Variants in PRIMPOL observed in about 807,000 individuals in gnomAD.
The protein encoded by PRIMPOL is DNA-directed primase/polymerase protein.
A neutral mutation model predicts 63.6 loss-of-function variants in PRIMPOL; 54 were observed. The observed-to-expected ratio is 0.85, with a 90% CI of 0.68 to 1.07. The LOEUF (loss-of-function observed/expected upper bound fraction) is 1.07. PRIMPOL is among the 50% of genes least tolerant of loss of function. The probability of loss-of-function intolerance (pLI) is 0.00; values close to 1 mark genes in which losing one functional copy is unlikely to be tolerated. For synonymous variants in PRIMPOL, 197 were observed against 220.2 expected (o/e 0.89, Z 0.93); for missense variants, 610 against 648.3 (o/e 0.94, Z 0.64).
chr4:184,671,901 C>T (rs1434136650), intron 6 of PRIMPOL, among the ~76,000 whole-genome samples: 3 of 151,990 alleles, frequency 2.0e-5, no homozygotes, highest in Non-Finnish European at 2.9e-5. Context: ...CCACCACGCC[C>T]TGCTAATTTT....
chr4:184,694,177 A>AGAT (rs1212647476), intron 13 of PRIMPOL: 3 of 1,024,288 alleles, frequency 2.9e-6, no homozygotes, highest in Admixed American at 1.0e-4. Flanking sequence ...TCCATTGTCA[A>AGAT]GATAGCAAAT....
chr4:184,663,864 A>G (rs2150060730), intron 5 of PRIMPOL, among the ~76,000 whole-genome samples: 1 of 152,344 alleles, frequency 6.6e-6, no homozygotes, highest in African/African-American at 2.4e-5. Flanking sequence ...TAATCCAGTA[A>G]GTACTTTTTC....
At chr4:184,682,126 A>G in intron 8 of PRIMPOL, 122 bp from the exon 9 acceptor site, 1 of 543,636 alleles carries the variant, frequency 1.8e-6, no homozygotes, top group Non-Finnish European at 3.4e-6. Flanking sequence ...TCCTAGAACA[A>G]TTATCTGCTG....
chr4:184,692,638 GA>G (rs1262510865), intron 13 of PRIMPOL, among the ~76,000 whole-genome samples: 1 of 151,560 alleles, frequency 6.6e-6, no homozygotes, highest in African/African-American at 2.4e-5. Context: ...TTTTTGAAGT[GA>G]TAGCACACAT....
In PRIMPOL at chr4:184,663,702, G is replaced by A. The variant is rs141680042; in HGVS notation, c.408+1799G>A. Among the ~76,000 whole-genome samples, 185 of 152,268 alleles carry A rather than the reference G, an allele frequency of 1.2e-3. 3 individuals are homozygous for A. In the East Asian group the frequency reaches 0.031, roughly 26 times the overall value. ...ACTGTTGGAAGAAACTGTAGAAATC[G>A]AAGTTCAAAATTATACAGCATTTTT... On this transcript the variant is annotated intron_variant, in intron 5 of 13. Coordinates refer to ENST00000314970, the MANE Select transcript of PRIMPOL (RefSeq NM_152683.4).
At chr4:184,690,713 T>C (rs1758299865) in intron 11 of PRIMPOL, among the ~76,000 whole-genome samples, 1 of 152,306 alleles carries the variant, frequency 6.6e-6, no homozygotes, top group East Asian at 1.9e-4. Flanking sequence ...CGTTAGTCAC[T>C]TAATCCATGT....
chr4:184,658,398 A>G (rs1042546142), intron 3 of PRIMPOL, among the ~76,000 whole-genome samples: 1 of 152,196 alleles, frequency 6.6e-6, no homozygotes, highest in Non-Finnish European at 1.5e-5. Flanking sequence ...GCTAATCACC[A>G]GTCTATAAAA....
chr4:184,653,916 T>G (rs2150021332), intron 2 of PRIMPOL, among the ~76,000 whole-genome samples: 1 of 152,302 alleles, frequency 6.6e-6, no homozygotes, highest in African/African-American at 2.4e-5. Context: ...AATTCAACCC[T>G]CCTGCTGGAC....
chr4:184,667,387 T>G (rs902903381), intron 6 of PRIMPOL, among the ~76,000 whole-genome samples: 1 of 151,980 alleles, frequency 6.6e-6, no homozygotes, highest in African/African-American at 2.4e-5. Context: ...CTTGGCTCAC[T>G]GCAACCTCCG....
At position 184,657,291 on chromosome 4, in the gene PRIMPOL, G is replaced by A. The variant is rs1218654302; in HGVS notation, c.151G>A (p.Ala51Thr). 6.2e-7 allele frequency: 1 copy of A among 1,610,792 alleles called. No homozygotes were observed. The highest frequency in any genetic ancestry group is 8.5e-7 in the Non-Finnish European group (1 of 1,178,782). The stretch of plus-strand genomic sequence containing the variant: ...GAGACTATTTCATCGACAAGCTCAA[G>A]CTTTTAATTTTGTTAAAAGCTGTAA... Reference protein sequence around the residue: ...IWRLFHRQAQAFNFVKSCKED... With the variant: ...IWRLFHRQAQTFNFVKSCKED... Residue 51 changes from alanine to threonine, a missense_variant, in exon 3 of 14, where the codon GCT becomes ACT. By Grantham distance (58) the Ala-to-Thr change is moderately conservative. This residue lies in a region of PRIMPOL where 159 missense variants were observed against 168.9 expected (regional missense o/e 0.94). Transcript: ENST00000314970.
intron 5 of PRIMPOL, among the ~76,000 whole-genome samples, chr4:184,662,501 A>C (rs1748630578): frequency 6.6e-6 from 1 of 152,208 alleles, no homozygotes; most frequent in Non-Finnish European, 1.5e-5. Flanking sequence ...TAGCTGTGTC[A>C]ACCAGGAAGT....
At chr4:184,691,374 C>T (rs1030298150) in intron 11 of PRIMPOL, 125 bp from the exon 12 acceptor site, 2 of 642,206 alleles carry the variant, frequency 3.1e-6, no homozygotes, top group East Asian at 2.7e-5. Flanking sequence ...TATCCTTATC[C>T]TTTTACTTTT....
At chr4:184,689,996 C>G (rs1480826719) in intron 11 of PRIMPOL, among the ~76,000 whole-genome samples, 1 of 152,176 alleles carries the variant, frequency 6.6e-6, no homozygotes, top group Non-Finnish European at 1.5e-5. Context: ...AGGCCTGTTA[C>G]TAGAATGTTT....
At chr4:184,655,230 G>A (rs1284274804) in intron 2 of PRIMPOL, among the ~76,000 whole-genome samples, 5 of 151,360 alleles carry the variant, frequency 3.3e-5, no homozygotes, top group African/African-American at 9.7e-5. Flanking sequence ...GGCTGGTCTC[G>A]AACTCCTGAC....
chr4:184,687,671 A>G (rs1206823480), intron 11 of PRIMPOL, among the ~76,000 whole-genome samples: 3 of 152,076 alleles, frequency 2.0e-5, no homozygotes, highest in East Asian at 1.9e-4. Context: ...CTGGGGTGCA[A>G]TCGCACGATC....
At chr4:184,671,916 A>G (rs375671480) in intron 6 of PRIMPOL, among the ~76,000 whole-genome samples, 2,518 of 151,238 alleles carry the variant, frequency 0.017, 53 homozygotes, top group South Asian at 0.027. Flanking sequence ...AATTTTTTGT[A>G]TTTTTAGTAG....
chr4:184,693,655 T>C (rs1014626106), intron 13 of PRIMPOL, among the ~76,000 whole-genome samples: 7 of 152,146 alleles, frequency 4.6e-5, no homozygotes, highest in Admixed American at 4.6e-4. Flanking sequence ...CCTACAGAAA[T>C]GTACAAGAAT....
rs567321685 is a variant in PRIMPOL at position 184,654,189 on chromosome 4, G to A, written c.-60+2089G>A. Reference sequence around the variant, plus strand: ...ATAAAATTTCAGTGTCACGAAGTACGAATATCCACATAGTCATTTGTAGTC... The same window carrying A: ...ATAAAATTTCAGTGTCACGAAGTACAAATATCCACATAGTCATTTGTAGTC... On this transcript the variant is annotated intron_variant, in intron 2 of 13. Coordinates refer to ENST00000314970, the MANE Select transcript of PRIMPOL (RefSeq NM_152683.4). Among the ~76,000 whole-genome samples the A allele has an allele frequency of 1.9e-4, 29 of 152,272 alleles. No individual in the cohort carries two copies. The South Asian group carries it at 2.7e-3, about 14-fold the overall frequency.
chr4:184,692,487 A>G (rs1758929800), intron 13 of PRIMPOL, among the ~76,000 whole-genome samples: 1 of 150,942 alleles, frequency 6.6e-6, no homozygotes, highest in African/African-American at 2.4e-5. Flanking sequence ...AAAAAAAAAA[A>G]AAAAAAGAAA....
Sources: allele counts gnomAD v4.1 joint callset (sites outside exome capture counted in the v4.1 genomes callset), GRCh38; gene constraint gnomAD v4.1.1; regional missense constraint gnomAD v4.1.1; transcripts MANE v1.5; gene names NCBI Gene and HGNC (gene_info 2026-07-23, HGNC 2026-07-21).